Variants in WDR27 observed in about 807,000 individuals in gnomAD.
WDR27 encodes WD repeat-containing protein 27.
Under a neutral mutation model 114.4 loss-of-function variants are expected in WDR27, and 100 were observed. The ratio of observed to expected loss-of-function variants is 0.87; its 90% CI spans 0.74 to 1.03. The LOEUF is 1.03. Among genes scored for constraint, WDR27 ranks in the 50% least tolerant of loss-of-function variants. The pLI is 0.00. For missense variants in WDR27, 1,129 were observed against 1,092.9 expected (o/e 1.03, Z -0.47); for synonymous variants, 449 against 423.1 (o/e 1.06, Z -0.75).
At chr6:169,648,662 CA>C (rs1821433750) in intron 15 of WDR27, among the ~76,000 whole-genome samples, 1 of 152,240 alleles carries the variant, frequency 6.6e-6, no homozygotes, top group African/African-American at 2.4e-5. Flanking sequence ...TGCAGTAGCC[CA>C]TATCTCTCCT....
chr6:169,607,889 G>A (rs1019110283), intron 22 of WDR27, among the ~76,000 whole-genome samples: 1 of 151,904 alleles, frequency 6.6e-6, no homozygotes, highest in African/African-American at 2.4e-5. Context: ...CTTAATGCCG[G>A]GGATACATTC....
intron 25 of WDR27, among the ~76,000 whole-genome samples, chr6:169,461,068 G>A (rs1355310090): frequency 1.3e-5 from 2 of 151,344 alleles, no homozygotes; most frequent in East Asian, 3.9e-4. Flanking sequence ...ATAATACAAA[G>A]AAATATAAAT....
the WDR27 span, among the ~76,000 whole-genome samples, chr6:169,428,761 GGT>G: frequency 6.6e-6 from 1 of 152,200 alleles, no homozygotes; most frequent in South Asian, 2.1e-4. Flanking sequence ...CTGGCGTCAG[GGT>G]GAGGGTGAGC....
intron 25 of WDR27, chr6:169,559,602 G>T (rs1799391125): frequency 1.3e-5 from 2 of 152,168 alleles, no homozygotes; most frequent in South Asian, 4.1e-4. Context: ...CTGAGTTCTA[G>T]TCAATAAATT....
intron 25 of WDR27, among the ~76,000 whole-genome samples, chr6:169,478,212 A>G (rs894523715): frequency 9.9e-5 from 15 of 152,214 alleles, no homozygotes; most frequent in Non-Finnish European, 1.9e-4. Flanking sequence ...TGATGCAACT[A>G]TAAATTCTCA....
At chr6:169,486,649 G>A (rs1386950591) in intron 25 of WDR27, among the ~76,000 whole-genome samples, 2 of 152,174 alleles carry the variant, frequency 1.3e-5, no homozygotes, top group East Asian at 1.9e-4. Context: ...ATGCCACCAC[G>A]CCCAGCTAAT....
chr6:169,569,603 T>C (rs2294502), intron 25 of WDR27, among the ~76,000 whole-genome samples: 86,780 of 152,100 alleles, frequency 0.57, 27,218 homozygotes, highest in Non-Finnish European at 0.69. Context: ...TTTAAATACT[T>C]ATAAACTTAG....
chr6:169,590,775 A>G (rs1477533689), intron 23 of WDR27, among the ~76,000 whole-genome samples: 1 of 152,206 alleles, frequency 6.6e-6, no homozygotes, highest in Non-Finnish European at 1.5e-5. Context: ...GGTACCACCC[A>G]CCGGTCTAAC....
At chr6:169,564,356 T>C (rs1043842679) in intron 25 of WDR27, among the ~76,000 whole-genome samples, 7 of 152,148 alleles carry the variant, frequency 4.6e-5, no homozygotes, top group African/African-American at 1.7e-4. Context: ...CTTTCCCAGC[T>C]CACAGACTCC....
intron 25 of WDR27, among the ~76,000 whole-genome samples, chr6:169,463,669 A>G (rs1785190683): frequency 6.6e-6 from 1 of 152,382 alleles, no homozygotes; most frequent in South Asian, 2.1e-4. Flanking sequence ...AAAGCCTGTT[A>G]GAATTAATAA....
intron 24 of WDR27, among the ~76,000 whole-genome samples, chr6:169,580,649 A>G (rs1405920040): frequency 6.6e-6 from 1 of 152,162 alleles, no homozygotes. Context: ...CTGTCTCTTC[A>G]ATAATTACCA....
chr6:169,595,140 T>C (rs1401580035), intron 23 of WDR27, among the ~76,000 whole-genome samples: 1 of 152,248 alleles, frequency 6.6e-6, no homozygotes, highest in African/African-American at 2.4e-5. Flanking sequence ...CACTTCAGCC[T>C]GGGCTAACAG....
At chr6:169,644,363 C>A (rs1005061970) in intron 16 of WDR27, among the ~76,000 whole-genome samples, 1 of 138,128 alleles carries the variant, frequency 7.2e-6, no homozygotes, top group Admixed American at 7.4e-5. Flanking sequence ...CTAGTTCATA[C>A]GAGTCACACT....
At chr6:169,692,418 A>G (rs936453258) in intron 1 of WDR27, among the ~76,000 whole-genome samples, 1 of 152,102 alleles carries the variant, frequency 6.6e-6, no homozygotes, top group African/African-American at 2.4e-5. Flanking sequence ...TGAGCACAGG[A>G]GCTGCCAACA....
At chr6:169,694,758 G>A (rs920094083) in intron 1 of WDR27, among the ~76,000 whole-genome samples, 2 of 152,194 alleles carry the variant, frequency 1.3e-5, no homozygotes, top group African/African-American at 4.8e-5. Flanking sequence ...CTGTCTAGGT[G>A]CTGCTCATTG....
chr6:169,699,998 A>G (rs1317533938), intron 1 of WDR27, among the ~76,000 whole-genome samples: 1 of 152,058 alleles, frequency 6.6e-6, no homozygotes, highest in Non-Finnish European at 1.5e-5. Context: ...GAAAAAGAAC[A>G]ATGGACAAGG....
chr6:169,583,055 C>G, intron 23 of WDR27, 121 bp from the exon 24 acceptor site: 1 of 749,990 alleles, frequency 1.3e-6, no homozygotes, highest in East Asian at 2.8e-5. Flanking sequence ...ACAGCAACAA[C>G]CAAGATGCCT....
intron 25 of WDR27, among the ~76,000 whole-genome samples, chr6:169,475,299 C>T (rs1324177525): frequency 6.6e-6 from 1 of 152,210 alleles, no homozygotes; most frequent in Admixed American, 6.5e-5. Context: ...TGGCTCACTG[C>T]AACCTCCACC....
At chr6:169,662,965 TAACACCCA>T (rs1826737740) in intron 8 of WDR27, among the ~76,000 whole-genome samples, 1 of 143,994 alleles carries the variant, frequency 6.9e-6, no homozygotes, top group African/African-American at 2.6e-5. Context: ...AGCACTAAGG[TAACACCCA>T]GCATGACGCG....
Sources: gnomAD v4.1 joint callset for allele counts (sites outside exome capture counted in the v4.1 genomes callset) on GRCh38, gnomAD v4.1.1 for gene constraint, MANE v1.5 for transcripts, NCBI Gene and HGNC (gene_info 2026-07-23, HGNC 2026-07-21) for gene names.